The following AHSA1 variants were observed in gnomAD, a reference collection of about 807,000 sequenced individuals.
AHSA1 encodes the protein activator of HSP90 ATPase activity 1, also known as activator of 90 kDa heat shock protein ATPase homolog 1.
Under a neutral mutation model 46.1 loss-of-function variants are expected in AHSA1, and 14 were observed. That is an observed-to-expected ratio of 0.30 (90% CI 0.20 to 0.47). The LOEUF is 0.47. Among genes scored for constraint, AHSA1 ranks in the 20% least tolerant of loss-of-function variants. AHSA1 has a pLI of 0.99. For synonymous variants in AHSA1, 147 were observed against 145.8 expected, an observed-to-expected ratio of 1.01 and a Z score of -0.06; for missense variants, 333 against 415.9, an observed-to-expected ratio of 0.80 and a Z score of 1.73.
At chr14:77,466,588 G>T (rs2079048817) in intron 6 of AHSA1, among the ~76,000 whole-genome samples, 3 of 152,234 alleles carry the variant, frequency 2.0e-5, no homozygotes. Flanking sequence ...ATGGGTGTTA[G>T]TATGTCTGTG....
At chr14:77,460,078 C>T (rs1270849563) in intron 2 of AHSA1, 2 of 466,742 alleles carry the variant, frequency 4.3e-6, no homozygotes, top group African/African-American at 2.0e-5. Context: ...GGGACACCTA[C>T]GATGATATTT....
chr14:77,460,533 G>C (rs1171153645), intron 2 of AHSA1, among the ~76,000 whole-genome samples: 1 of 144,142 alleles, frequency 6.9e-6, no homozygotes, highest in Admixed American at 6.9e-5. Context: ...AAGCATAGTA[G>C]TGTGGAAGGA....
chr14:77,466,858 T>C (rs1281810559), intron 6 of AHSA1, among the ~76,000 whole-genome samples: 1 of 152,270 alleles, frequency 6.6e-6, no homozygotes, highest in East Asian at 1.9e-4. Flanking sequence ...AGCTGTGGTC[T>C]TCATGTGAAT....
chr14:77,465,983 C>T (rs989764682), intron 6 of AHSA1, among the ~76,000 whole-genome samples: 4 of 152,130 alleles, frequency 2.6e-5, no homozygotes, highest in Non-Finnish European at 5.9e-5. Context: ...CACGCCATCA[C>T]GCCTAGCTAA....
intron 8 of AHSA1, chr14:77,468,720 G>GT: frequency 1.4e-5 from 4 of 295,046 alleles, no homozygotes; most frequent in South Asian, 1.6e-4. Flanking sequence ...CACCATGCCA[G>GT]CTTTTTTTTT....
rs755713160 is a variant in AHSA1 at position 77,468,049 on chromosome 14, CTCTT to C, written c.691-32_691-29del. The C allele has an allele frequency of 8.2e-3, 5,863 of 712,162 alleles. 22 individuals are homozygous for C. Among genetic ancestry groups the C allele is most frequent in the East Asian group, 0.046 (889 of 19,146 alleles). The allele number at this position is 712,162 out of a possible 1,614,324, so 44.1% of individuals were successfully genotyped here. The stretch of plus-strand genomic sequence containing the variant: ...CCACTGAAAGCCATGTATCTTCTGC[CTCTT>C]TTTTTTTTTTTTTTTTTTTTTCCCT... On this transcript the variant is annotated intron_variant, in intron 6 of 8. Coordinates refer to ENST00000216479, the MANE Select transcript of AHSA1 (RefSeq NM_012111.3).
intron 1 of AHSA1, among the ~76,000 whole-genome samples, chr14:77,459,390 A>T (rs1341064646): frequency 6.6e-6 from 1 of 152,116 alleles, no homozygotes; most frequent in African/African-American, 2.4e-5. Flanking sequence ...ATAATTTTCC[A>T]TTGAGTTTAT....
At position 77,468,087 on chromosome 14, in the gene AHSA1, T is replaced by C. The variant is rs1454857879; in HGVS notation, c.695T>C (p.Val232Ala). ...LYRVFTTQEL[V>A]QAFTHAPATL... is the part of the protein sequence containing the mutation. ...TTTTTTTTTTTTTCCCTGCAGCTGGTGCAGGCCTTTACCCATGCTCCTGCA... is the reference window on the plus strand; with the variant it reads ...TTTTTTTTTTTTTCCCTGCAGCTGGCGCAGGCCTTTACCCATGCTCCTGCA... Residue 232 changes from valine to alanine, a missense_variant, in exon 7 of 9, where the codon GTG becomes GCG. By Grantham distance (64) the Val-to-Ala change is moderately conservative. Transcript: ENST00000216479. 1.6e-6 allele frequency: 2 copies of C among 1,240,842 alleles called. No homozygotes were observed. Among genetic ancestry groups the C allele is most frequent in the East Asian group, 5.4e-5 (2 of 36,884 alleles). The allele number at this position is 1,240,842 out of a possible 1,614,324, so 76.9% of individuals were successfully genotyped here.
chr14:77,462,867 G>A, intron 4 of AHSA1, 108 bp downstream of exon 4: 1 of 903,220 alleles, frequency 1.1e-6, no homozygotes, highest in Non-Finnish European at 1.8e-6. Flanking sequence ...AAGATTTGGG[G>A]GGAGGGGGCT....
intron 4 of AHSA1, chr14:77,462,985 A>C (rs12897689): frequency 2.2e-6 from 1 of 449,012 alleles, no homozygotes; most frequent in Admixed American, 3.4e-5. Flanking sequence ...ACCAAACTGA[A>C]ATGTACTGTG....
At chr14:77,465,984 GC>G (rs2079046512) in intron 6 of AHSA1, among the ~76,000 whole-genome samples, 2 of 152,064 alleles carry the variant, frequency 1.3e-5, no homozygotes, top group South Asian at 4.1e-4. Flanking sequence ...ACGCCATCAC[GC>G]CTAGCTAATT....
rs1349801937 is a variant in AHSA1 at position 77,468,095 on chromosome 14, T to G, written c.703T>G (p.Phe235Val). The change falls in exon 7 of 9, where the codon TTT (phenylalanine) becomes GTT (valine). Residue 235 changes from phenylalanine to valine, a missense_variant. Coordinates refer to ENST00000216479, the MANE Select transcript of AHSA1 (RefSeq NM_012111.3). ...TTTTTCCCTGCAGCTGGTGCAGGCC[T>G]TTACCCATGCTCCTGCAACATTAGA... is the stretch of plus-strand genomic sequence containing the variant. ...VFTTQELVQAFTHAPATLEAD... is the reference protein window; with the variant it reads ...VFTTQELVQAVTHAPATLEAD... 2.9e-6 allele frequency: 4 copies of G among 1,383,614 alleles called. No homozygotes were observed. The highest frequency in any genetic ancestry group is 2.1e-5 in the Admixed American group (1 of 47,628). 85.7% of individuals were successfully genotyped at this position (1,383,614 alleles called of 1,614,324 possible).
At chr14:77,464,208 C>G (rs1289372885) in intron 4 of AHSA1, among the ~76,000 whole-genome samples, 3 of 152,116 alleles carry the variant, frequency 2.0e-5, no homozygotes, top group Admixed American at 2.0e-4. Flanking sequence ...GAAACCCCGT[C>G]TCTACTAAAA....
intron 4 of AHSA1, 72 bp from the exon 5 acceptor site, chr14:77,464,526 C>A: frequency 7.7e-7 from 1 of 1,293,050 alleles, no homozygotes; most frequent in South Asian, 1.3e-5. Context: ...CTGTGTTTGT[C>A]AAGCTGTAAT....
At chr14:77,468,733 TTTTTTTTTTTTTACTTTTTTAC>T (rs2079059656) in intron 8 of AHSA1, 8 of 497,726 alleles carry the variant, frequency 1.6e-5, no homozygotes, top group Admixed American at 4.1e-5. Flanking sequence ...TTTTTTTTTT[TTTTTTTTTTTTTACTTTTTTAC>T]TTTTTTTGTA....
rs2079030842 is a variant in AHSA1 at position 77,462,676 on chromosome 14, C to T, written c.389C>T (p.Thr130Ile). ...SVSLAKDEPDTNLVALMKEEG... is the reference protein window; with the variant it reads ...SVSLAKDEPDINLVALMKEEG... ...AGCCTTGCCAAAGATGAGCCTGACA[C>T]AAATCTCGTGGCCTTAATGAAGGAA... The change falls in exon 4 of 9, where the codon ACA becomes ATA. Residue 130 changes from threonine (T) to isoleucine (I), a missense_variant. Thr to Ile is a moderately conservative substitution (Grantham distance 89, BLOSUM62 -1). Coordinates refer to ENST00000216479, the MANE Select transcript of AHSA1 (RefSeq NM_012111.3). 6.2e-7 allele frequency: 1 copy of T among 1,614,082 alleles called. No homozygotes were observed. Among genetic ancestry groups the T allele is most frequent in the African/African-American group, 1.3e-5 (1 of 74,926 alleles).
upstream of AHSA1, chr14:77,458,057 G>A (rs1290939899): frequency 1.4e-6 from 1 of 709,308 alleles, no homozygotes; most frequent in South Asian, 2.2e-5. Flanking sequence ...GGGGGTGGAG[G>A]GAAAAGCAAG....
Position 77,469,110 on chromosome 14 carries a change from A to G in AHSA1, c.878A>G (p.Asp293Gly). The G allele has an allele frequency of 6.2e-7, 1 of 1,614,128 alleles. No homozygotes were observed. Among genetic ancestry groups the G allele is most frequent in the African/African-American group, 1.3e-5 (1 of 75,042 alleles). ...GCCACCATCACCTTGACCTTCATCGACAAGAACGGAGAGACTGAGCTGTGC... is the reference window on the plus strand; with the variant it reads ...GCCACCATCACCTTGACCTTCATCGGCAAGAACGGAGAGACTGAGCTGTGC... ...HFATITLTFIDKNGETELCME... is the reference protein window; with the variant it reads ...HFATITLTFIGKNGETELCME... The change falls in exon 9 of 9, where the codon GAC (aspartate) becomes GGC (glycine). Residue 293 changes from aspartate (D) to glycine (G), a missense_variant. Coordinates refer to ENST00000216479, the MANE Select transcript of AHSA1 (RefSeq NM_012111.3).
intron 7 of AHSA1, 54 bp downstream of exon 7, chr14:77,468,238 C>A: frequency 7.8e-7 from 1 of 1,281,362 alleles, no homozygotes; most frequent in Non-Finnish European, 1.1e-6. Flanking sequence ...AGATGAGTGA[C>A]ATTTCTCTTT....
Sources: gnomAD v4.1 joint callset for allele counts (sites outside exome capture counted in the v4.1 genomes callset) on GRCh38, gnomAD v4.1.1 for gene constraint, MANE v1.5 for transcripts, NCBI Gene and HGNC (gene_info 2026-07-23, HGNC 2026-07-21) for gene names.